ALAS2: variants seen among roughly 807,000 people sequenced by gnomAD.
The protein encoded by ALAS2 is 5-aminolevulinate synthase, erythroid-specific, mitochondrial.
Under a neutral mutation model 33.7 loss-of-function variants are expected in ALAS2, and 3 were observed. The ratio of observed to expected loss-of-function variants is 0.09; its 90% confidence interval spans 0.04 to 0.23. ALAS2 has a LOEUF of 0.23. Among genes scored for constraint, ALAS2 ranks in the 10% least tolerant of loss-of-function variants. The probability of loss-of-function intolerance (pLI) is 1.00; values close to 1 mark genes in which losing one functional copy is unlikely to be tolerated. For synonymous variants in ALAS2, 191 were observed against 177.3 expected (o/e 1.08, Z -0.61); for missense variants, 304 against 475.1 (o/e 0.64, Z 3.35).
Position 55,026,008 on chromosome X carries a change from C to A in ALAS2, c.-8G>T. ...CATGGCTGCAGTCACCATCTTGAAC[C>A]TAAAGTCCTGCAGAAGACATGGAAG... On this transcript the variant is annotated 5_prime_UTR_variant, in exon 2 of 11. The change creates a new upstream start codon in the 5' untranslated region. Coordinates refer to ENST00000650242, the MANE Select transcript of ALAS2 (RefSeq NM_000032.5). 8.3e-7 allele frequency: 1 copy of A among 1,209,332 alleles called. No homozygotes were observed. Among genetic ancestry groups the A allele is most frequent in the Non-Finnish European group, 1.1e-6 (1 of 894,538 alleles).
In ALAS2 at chrX:55,009,300, C is replaced by A. The variant is rs773629116; in HGVS notation, c.1644G>T (p.Gln548His). Reference sequence around the variant, plus strand: ...AATTGCAGGCAGCCACAGACACATCCTGGAGGGGCAGCCCCACCGCAGTCC... The same window carrying A: ...AATTGCAGGCAGCCACAGACACATCATGGAGGGGCAGCCCCACCGCAGTCC... ...LAWTAVGLPLQDVSVAACNFC... is the reference protein window; with the variant it reads ...LAWTAVGLPLHDVSVAACNFC... Residue 548 changes from glutamine to histidine, a missense_variant, in exon 11 of 11, where the codon CAG becomes CAT. By Grantham distance (24) the Gln-to-His change is conservative (BLOSUM62 0). This residue lies in a region of ALAS2 where 95 missense variants were observed against 127.0 expected (regional missense o/e 0.75). Transcript: ENST00000650242. 21 of 1,202,830 alleles carry A rather than the reference C, an allele frequency of 1.7e-5. No homozygotes were observed. Among genetic ancestry groups the A allele is most frequent in the Middle Eastern group, 2.3e-4 (1 of 4,366 alleles).
Position 55,014,737 on chromosome X carries a change from G to A in ALAS2, c.1437+10C>T. On this transcript the variant is annotated intron_variant, in intron 9 of 10. Transcript: ENST00000650242. ...GGTGGAGAGGGCAATGGGCATGGTG[G>A]GGCTCTCACCCGGATGGGGATGATG... 1 of 1,167,369 alleles carries A rather than the reference G, an allele frequency of 8.6e-7. No homozygotes were observed. Among genetic ancestry groups the A allele is most frequent in the Non-Finnish European group, 1.1e-6 (1 of 870,156 alleles).
chrX:55,014,850 G>T lies in ALAS2; in HGVS notation c.1334C>A (p.Ala445Asp). 1 of 1,206,505 alleles carries T rather than the reference G, an allele frequency of 8.3e-7. No individual in the cohort carries two copies. Among genetic ancestry groups the T allele is most frequent in the Non-Finnish European group, 1.1e-6 (1 of 892,841 alleles). The part of the protein sequence containing the change: ...VRLLKGEEGQ[A>D]LRRAHQRNVK... ...ATTGCGCTGGTGGGCTCGCCTCAGG[G>T]CTTGGCCCTCCTCTCCCTTGAGCAG... is the stretch of plus-strand genomic sequence containing the variant. The change falls in exon 9 of 11, where the codon GCC becomes GAC. Residue 445 changes from alanine (A) to aspartate (D), a missense_variant. Ala to Asp is a moderately radical substitution (Grantham distance 126). Coordinates refer to ENST00000650242, the MANE Select transcript of ALAS2 (RefSeq NM_000032.5).
At chrX:55,027,739 C>A (rs1237523167) in intron 1 of ALAS2, 1 of 1,208,060 alleles carries the variant, frequency 8.3e-7, no homozygotes, top group African/African-American at 1.8e-5. Flanking sequence ...AGAACAAGCA[C>A]CCTCCCCGTA....
rs1935782428 is a variant in ALAS2 at position 55,020,409 on chromosome X, T to G, written c.734A>C (p.Glu245Ala). 8.3e-7 allele frequency: 1 copy of G among 1,199,848 alleles called. No individual in the cohort carries two copies. Among genetic ancestry groups the G allele is most frequent in the African/African-American group, 1.8e-5 (1 of 57,072 alleles). The change falls in exon 6 of 11, where the codon GAG becomes GCG. Residue 245 changes from glutamate to alanine, a missense_variant. By Grantham distance (107) the Glu-to-Ala change is moderately radical. This residue lies in a region of ALAS2 where 138 missense variants were observed against 265.3 expected (regional missense o/e 0.52). Coordinates refer to ENST00000650242, the MANE Select transcript of ALAS2 (RefSeq NM_000032.5). Reference protein sequence around the residue: ...FHVELEQELAELHQKDSALLF... With the variant: ...FHVELEQELAALHQKDSALLF... ...CAGGGCTGAGTCCTTCTGGTGCAGCTCAGCCAGCTCCTGCTCAAGCTCCAC... is the reference window on the plus strand; with the variant it reads ...CAGGGCTGAGTCCTTCTGGTGCAGCGCAGCCAGCTCCTGCTCAAGCTCCAC...
chrX:55,025,478 C>T (rs1008485176), intron 2 of ALAS2, among the ~76,000 whole-genome samples: 1 of 110,815 alleles, frequency 9.0e-6, no homozygotes, highest in Non-Finnish European at 1.9e-5. Context: ...GGATTACAGG[C>T]GCCCACCACC....
intron 1 of ALAS2, among the ~76,000 whole-genome samples, chrX:55,029,528 T>A (rs1428988615): frequency 1.8e-5 from 2 of 111,637 alleles, no homozygotes; most frequent in African/African-American, 6.5e-5. Flanking sequence ...ATTCAAATAT[T>A]ACTACCTTTT....
At chrX:55,015,882 G>T in intron 7 of ALAS2, 140 bp from the exon 8 acceptor site, 1 of 670,154 alleles carries the variant, frequency 1.5e-6, no homozygotes. Context: ...CCTTCATTTA[G>T]AACTATTACA....
intron 10 of ALAS2, among the ~76,000 whole-genome samples, chrX:55,010,986 A>G (rs184763527): frequency 2.2e-4 from 24 of 111,593 alleles, no homozygotes; most frequent in Admixed American, 1.8e-3. Flanking sequence ...AGCCAGAGGA[A>G]AGTGTGAGGG....
intron 10 of ALAS2, among the ~76,000 whole-genome samples, chrX:55,011,950 C>A (rs1935608192): frequency 8.9e-6 from 1 of 111,797 alleles, no homozygotes; most frequent in African/African-American, 3.3e-5. Flanking sequence ...TCAATTTCCA[C>A]ATGTACAAAA....
Position 55,013,742 on chromosome X carries a change from A to T in ALAS2, c.1438-94T>A, listed in dbSNP as rs764335651. 73 of 1,049,876 alleles carry T rather than the reference A, an allele frequency of 7.0e-5. 1 individual carries two copies. The South Asian group carries it at 1.3e-3, about 19-fold the overall frequency. 86.5% of individuals were successfully genotyped at this position (1,049,876 alleles called of 1,213,427 possible). A position where few individuals can be genotyped will look rare whatever the true frequency, so the allele number is the denominator to read the frequency against. On this transcript the variant is annotated intron_variant, in intron 9 of 10. Transcript: ENST00000650242. ...GATGGAGGGAACTAGATGAGGGAACATCACTGAATTTTGGGATAGATTTTT... is the reference window on the plus strand; with the variant it reads ...GATGGAGGGAACTAGATGAGGGAACTTCACTGAATTTTGGGATAGATTTTT...
In ALAS2 at chrX:55,021,259, C is replaced by T. The variant is rs143527666; in HGVS notation, c.431G>A (p.Ser144Asn). The T allele has an allele frequency of 2.2e-5, 26 of 1,207,688 alleles. No homozygotes were observed. Among genetic ancestry groups the T allele is most frequent in the Non-Finnish European group, 2.9e-5 (26 of 892,623 alleles). ...CTTGTCCCTGAAAAACTGGTCATAACTGAAGACATAGTTTCCTGCAGGAGC... is the reference window on the plus strand; with the variant it reads ...CTTGTCCCTGAAAAACTGGTCATAATTGAAGACATAGTTTCCTGCAGGAGC... ...QNNMPGNYVF[S>N]YDQFFRDKIM... The change falls in exon 5 of 11, where the codon AGT (serine) becomes AAT (asparagine). Residue 144 changes from serine (S) to asparagine (N), a missense_variant. Ser to Asn is a conservative substitution (Grantham distance 46, BLOSUM62 1). Coordinates refer to ENST00000650242, the MANE Select transcript of ALAS2 (RefSeq NM_000032.5).
At chrX:55,017,399 A>T in intron 7 of ALAS2, 87 bp downstream of exon 7, 2 of 882,832 alleles carry the variant, frequency 2.3e-6, no homozygotes, top group South Asian at 2.0e-5. Flanking sequence ...ATTAGCTGTT[A>T]TAATGTTATC....
chrX:55,019,592 A>G (rs1006787844), intron 6 of ALAS2, among the ~76,000 whole-genome samples: 1 of 111,309 alleles, frequency 9.0e-6, no homozygotes, highest in African/African-American at 3.3e-5. Context: ...AACCCAGTAG[A>G]GGTTAAGAGT....
rs369089714 is a variant in ALAS2, at chrX:55,023,875, G to C, written c.305-8C>G. On this transcript the variant is annotated splice_region_variant and splice_polypyrimidine_tract_variant and intron_variant, in intron 3 of 10. Coordinates refer to ENST00000650242, the MANE Select transcript of ALAS2 (RefSeq NM_000032.5). Reference sequence around the variant, plus strand: ...CCAGGGAGCTAGGCAGATCTGAGACGGAATGTGAGATTCATTGGCCGTGAA... The same window carrying C: ...CCAGGGAGCTAGGCAGATCTGAGACCGAATGTGAGATTCATTGGCCGTGAA... The C allele has an allele frequency of 5.3e-5, 63 of 1,180,422 alleles. No individual in the cohort carries two copies. In the Admixed American group the frequency reaches 1.4e-3, roughly 26 times the overall value.
In ALAS2 at chrX:55,015,059, G is replaced by A. The variant is rs765801385; in HGVS notation, c.1169-44C>T. 23 of 1,175,295 alleles carry A rather than the reference G, an allele frequency of 2.0e-5. No individual in the cohort carries two copies. The African/African-American group carries it at 3.7e-4, about 19-fold the overall frequency. ...AAGATATACACAGATCCCATAATCA[G>A]TCCCAGAGCAACAGGATCATGTGCC... On this transcript the variant is annotated intron_variant, in intron 8 of 10. Transcript: ENST00000650242.
At chrX:55,023,093 C>G (rs1935832445) in intron 4 of ALAS2, among the ~76,000 whole-genome samples, 2 of 110,819 alleles carry the variant, frequency 1.8e-5, no homozygotes, top group Admixed American at 9.7e-5. Context: ...ATACTATACC[C>G]ATGACATATT....
At chrX:55,019,202 G>A (rs1210862755) in intron 6 of ALAS2, among the ~76,000 whole-genome samples, 1 of 110,948 alleles carries the variant, frequency 9.0e-6, no homozygotes, top group African/African-American at 3.3e-5. Flanking sequence ...TTTAAAGAGA[G>A]GGAGAGGCTG....
rs137978657 is a variant in ALAS2, at chrX:55,020,430, T to A, written c.713A>T (p.Glu238Val). The A allele has an allele frequency of 8.0e-5, 96 of 1,192,973 alleles. No individual in the cohort carries two copies. Among genetic ancestry groups the A allele is most frequent in the Non-Finnish European group, 9.0e-6 (8 of 886,357 alleles). Residue 238 changes from glutamate (E) to valine (V), a missense_variant, in exon 6 of 11, where the codon GAG becomes GTG. By Grantham distance (121) the Glu-to-Val change is moderately radical. This residue lies in a region of ALAS2 where 138 missense variants were observed against 265.3 expected (regional missense o/e 0.52). Coordinates refer to ENST00000650242, the MANE Select transcript of ALAS2 (RefSeq NM_000032.5). ...CAGCTCAGCCAGCTCCTGCTCAAGC[T>A]CCACATGAAACTTACTGGTGCCTGA... is the stretch of plus-strand genomic sequence containing the variant. ...NISGTSKFHV[E>V]LEQELAELHQ...
Sources: gnomAD v4.1 joint callset for allele counts (sites outside exome capture counted in the v4.1 genomes callset) on GRCh38, gnomAD v4.1.1 for gene constraint, gnomAD v4.1.1 regional missense constraint, MANE v1.5 for transcripts, NCBI Gene and HGNC (gene_info 2026-07-23, HGNC 2026-07-21) for gene names.